AUH: variants seen among roughly 807,000 people sequenced by gnomAD.
AUH encodes AU RNA binding methylglutaconyl-CoA hydratase.
A neutral mutation model predicts 42.3 loss-of-function variants in AUH; 29 were observed. That is an observed-to-expected ratio of 0.69 (90% CI 0.51 to 0.93). The LOEUF (loss-of-function observed/expected upper bound fraction) is 0.93, where lower values mean the gene tolerates loss of function less well. AUH is among the 40% of genes least tolerant of loss of function. AUH has a pLI of 0.00. For missense variants in AUH, 452 were observed against 438.1 expected (o/e 1.03, Z -0.28); for synonymous variants, 174 against 166.4 (o/e 1.05, Z -0.35).
chr9:91,326,656 GAT>G (rs1829984064), intron 3 of AUH, among the ~76,000 whole-genome samples: 1 of 152,142 alleles, frequency 6.6e-6, no homozygotes, highest in Non-Finnish European at 1.5e-5. Context: ...ACACAGAAAT[GAT>G]AAATTCAATT....
chr9:91,223,127 G>A lies in AUH; in HGVS notation c.656-2135C>T, dbSNP rs1044711999. On this transcript the variant is annotated intron_variant, in intron 6 of 9. Transcript: ENST00000375731. ...ATGCATAACACAACAGATGGCTGGC[G>A]GGCCTGCGGTGGAGGCTAGAGGTAT... Among the ~76,000 whole-genome samples the A allele has an allele frequency of 6.6e-5, 10 of 152,292 alleles. No homozygotes were observed. In the South Asian group the frequency reaches 1.4e-3, roughly 22 times the overall value.
At chr9:91,253,057 C>T (rs1335853080) in intron 6 of AUH, among the ~76,000 whole-genome samples, 2 of 152,168 alleles carry the variant, frequency 1.3e-5, no homozygotes, top group Non-Finnish European at 2.9e-5. Context: ...AAACAAAGCC[C>T]TTTCACTATT....
At chr9:91,302,205 T>C (rs905554148) in intron 4 of AUH, among the ~76,000 whole-genome samples, 1 of 152,048 alleles carries the variant, frequency 6.6e-6, no homozygotes, top group Non-Finnish European at 1.5e-5. Context: ...GTGTGGCTCA[T>C]GCCTGTAATC....
chr9:91,278,570 C>T (rs1019330631), intron 6 of AUH, among the ~76,000 whole-genome samples: 22 of 152,056 alleles, frequency 1.4e-4, no homozygotes, highest in African/African-American at 5.1e-4. Context: ...TAGTTTGGCG[C>T]GATTTCAACG....
At chr9:91,253,622 C>T (rs749947732) in intron 6 of AUH, among the ~76,000 whole-genome samples, 3 of 152,154 alleles carry the variant, frequency 2.0e-5, no homozygotes, top group Non-Finnish European at 2.9e-5. Flanking sequence ...CTGACTTTCA[C>T]GGGTTTGTGG....
At chr9:91,296,281 TTC>T (rs966145498) in intron 5 of AUH, among the ~76,000 whole-genome samples, 5 of 151,580 alleles carry the variant, frequency 3.3e-5, no homozygotes, top group African/African-American at 1.2e-4. Flanking sequence ...CCACAACATT[TTC>T]TGTTAAAAAC....
chr9:91,341,663 C>T (rs1328162458), intron 3 of AUH, among the ~76,000 whole-genome samples: 1 of 152,224 alleles, frequency 6.6e-6, no homozygotes, highest in Non-Finnish European at 1.5e-5. Context: ...ATCCCATGAA[C>T]TATTTGCTAA....
chr9:91,246,918 C>T (rs1209128145), intron 6 of AUH, among the ~76,000 whole-genome samples: 1 of 152,164 alleles, frequency 6.6e-6, no homozygotes, highest in African/African-American at 2.4e-5. Context: ...GCCTAAGCAG[C>T]GGAGCCATGC....
At chr9:91,265,374 T>TA (rs1185636608) in intron 6 of AUH, among the ~76,000 whole-genome samples, 11 of 151,830 alleles carry the variant, frequency 7.2e-5, no homozygotes, top group African/African-American at 2.2e-4. Flanking sequence ...AGCAATCCTT[T>TA]AAAAAAAACC....
At chr9:91,351,531 T>C (rs1035639089) in intron 3 of AUH, among the ~76,000 whole-genome samples, 1 of 151,452 alleles carries the variant, frequency 6.6e-6, no homozygotes. Context: ...ATAAACATCA[T>C]TGAGTATATA....
At chr9:91,223,067 G>C (rs1246519749) in intron 6 of AUH, among the ~76,000 whole-genome samples, 1 of 152,330 alleles carries the variant, frequency 6.6e-6, no homozygotes, top group East Asian at 1.9e-4. Flanking sequence ...TTAAGCTGAG[G>C]GGTAGACAGC....
intron 6 of AUH, among the ~76,000 whole-genome samples, chr9:91,285,158 T>C (rs1345874582): frequency 6.6e-6 from 1 of 152,228 alleles, no homozygotes; most frequent in Non-Finnish European, 1.5e-5. Context: ...ATGTCCTTTG[T>C]AGGGACATGG....
intron 6 of AUH, among the ~76,000 whole-genome samples, chr9:91,223,359 A>AT (rs1263377305): frequency 1.3e-5 from 2 of 152,230 alleles, no homozygotes; most frequent in East Asian, 3.8e-4. Context: ...CACTTAGCGT[A>AT]ATGTCCTCAA....
At chr9:91,296,147 T>A in intron 5 of AUH, 70 bp from the exon 6 acceptor site, 1 of 1,430,414 alleles carries the variant, frequency 7.0e-7, no homozygotes, top group Non-Finnish European at 9.8e-7. Context: ...TTGAAAAAGT[T>A]ATGAGATATA....
chr9:91,246,116 G>C (rs866289947), intron 6 of AUH, among the ~76,000 whole-genome samples: 6 of 152,284 alleles, frequency 3.9e-5, no homozygotes, highest in Middle Eastern at 3.4e-3. Flanking sequence ...GCCCTGCTGG[G>C]TGATTCCTGC....
chr9:91,245,279 G>C (rs1177320783), intron 6 of AUH, among the ~76,000 whole-genome samples: 1 of 152,146 alleles, frequency 6.6e-6, no homozygotes, highest in African/African-American at 2.4e-5. Flanking sequence ...GTTGGCAAAT[G>C]GGCAGAACTG....
intron 9 of AUH, among the ~76,000 whole-genome samples, chr9:91,215,436 T>G (rs117622531): frequency 8.9e-4 from 135 of 152,250 alleles, no homozygotes; most frequent in Non-Finnish European, 1.5e-3. Context: ...CCTAATATAA[T>G]GTAAATGGCA....
At chr9:91,358,013 G>A (rs1832565145) in intron 1 of AUH, among the ~76,000 whole-genome samples, 1 of 152,164 alleles carries the variant, frequency 6.6e-6, no homozygotes, top group African/African-American at 2.4e-5. Context: ...AGACAGGGGT[G>A]GGAGCTTCAA....
Position 91,361,803 on chromosome 9 carries a change from C to T in AUH, c.87G>A (p.Trp29Ter). 1 of 1,526,244 alleles carries T rather than the reference C, an allele frequency of 6.6e-7. No individual in the cohort carries two copies. 94.5% of individuals were successfully genotyped at this position (1,526,244 alleles called of 1,614,324 possible). A position where few individuals can be genotyped will look rare whatever the true frequency, so the allele number is the denominator to read the frequency against. Residue 29 changes from tryptophan (W) to a stop codon, truncating the protein, a stop_gained, in exon 1 of 10, where the codon TGG becomes TGA. Transcript: ENST00000375731. LOFTEE classifies it high-confidence loss of function. ...GARLVAACSAWLCPGLRLPGS... is the reference protein window; with the variant it reads ...GARLVAACSA The stretch of plus-strand genomic sequence containing the variant: ...CGGGCAGCCTCAACCCCGGGCAGAG[C>T]CACGCACTGCAAGCGGCCACCAGGC...
Sources: gnomAD v4.1 joint callset for allele counts (sites outside exome capture counted in the v4.1 genomes callset) on GRCh38, gnomAD v4.1.1 for gene constraint, MANE v1.5 for transcripts, NCBI Gene and HGNC (gene_info 2026-07-23, HGNC 2026-07-21) for gene names.